ITGBL1: variants seen among roughly 807,000 people sequenced by gnomAD.
ITGBL1 encodes integrin subunit beta like 1, also known as integrin beta-like protein 1.
A neutral mutation model predicts 68.5 loss-of-function variants in ITGBL1; 51 were observed. The observed-to-expected ratio is 0.74, with a 90% CI of 0.59 to 0.94. The LOEUF is 0.94. Ranked by LOEUF, ITGBL1 falls within the 40% of genes least tolerant of loss-of-function variation. ITGBL1 has a pLI of 0.00. For missense variants in ITGBL1, 649 were observed against 647.4 expected (o/e 1.00, Z -0.03); for synonymous variants, 209 against 227.3 (o/e 0.92, Z 0.72).
In ITGBL1 at chr13:101,620,920, T is replaced by C. The variant is rs528438565; in HGVS notation, c.1015+22621T>C. 3.3e-5 allele frequency among the ~76,000 whole-genome samples: 5 copies of C among 152,292 alleles called. No individual in the cohort carries two copies. The East Asian group carries it at 9.6e-4, about 29-fold the overall frequency. ...GATACTGAACAACTGCACCTGGGGC[T>C]GTACCCAAAGTGGAGAACAGTGAGT... On this transcript the variant is annotated intron_variant, in intron 7 of 10. Transcript: ENST00000376180.
intron 7 of ITGBL1, among the ~76,000 whole-genome samples, chr13:101,642,262 G>A (rs2032407097): frequency 6.6e-6 from 1 of 152,062 alleles, no homozygotes; most frequent in Non-Finnish European, 1.5e-5. Context: ...ATTCTAACTG[G>A]TGTGAGATGG....
chr13:101,512,627 T>G (rs1377212467), intron 2 of ITGBL1, among the ~76,000 whole-genome samples: 1 of 152,108 alleles, frequency 6.6e-6, no homozygotes, highest in Admixed American at 6.6e-5. Context: ...CAAGGACCCT[T>G]CCCATGGGGT....
At chr13:101,544,324 A>G (rs1185645180) in intron 2 of ITGBL1, among the ~76,000 whole-genome samples, 1 of 152,152 alleles carries the variant, frequency 6.6e-6, no homozygotes, top group African/African-American at 2.4e-5. Context: ...TCCACTCCAG[A>G]CCCTGTTTGC....
At chr13:101,500,062 C>G (rs2048915924) in intron 2 of ITGBL1, among the ~76,000 whole-genome samples, 1 of 152,188 alleles carries the variant, frequency 6.6e-6, no homozygotes, top group Non-Finnish European at 1.5e-5. Context: ...CTTATTAAAA[C>G]TGGCCACTCG....
At chr13:101,614,044 T>A (rs968735955) in intron 7 of ITGBL1, among the ~76,000 whole-genome samples, 13 of 110,898 alleles carry the variant, frequency 1.2e-4, no homozygotes, top group Non-Finnish European at 2.0e-4. Flanking sequence ...AAGGAATGAG[T>A]CAGGGACAAG....
chr13:101,705,307 A>AAACC (rs2034235555), intron 8 of ITGBL1, among the ~76,000 whole-genome samples: 1 of 144,878 alleles, frequency 6.9e-6, no homozygotes, highest in African/African-American at 2.7e-5. Flanking sequence ...AAAAAAAAAA[A>AAACC]AACAACAACA....
chr13:101,699,156 T>C (rs2034073401), intron 8 of ITGBL1, among the ~76,000 whole-genome samples: 1 of 152,184 alleles, frequency 6.6e-6, no homozygotes, highest in Non-Finnish European at 1.5e-5. Flanking sequence ...TGTGATTGTC[T>C]CCAAATTACA....
chr13:101,719,893 C>CCAAA (rs1214657697), downstream of ITGBL1: 5 of 151,970 alleles, frequency 3.3e-5, no homozygotes, highest in Admixed American at 6.6e-5. Context: ...AAGTCTTATC[C>CCAAA]CAAACAAATA....
At chr13:101,667,582 C>T (rs2033253664) in intron 7 of ITGBL1, among the ~76,000 whole-genome samples, 1 of 152,070 alleles carries the variant, frequency 6.6e-6, no homozygotes, top group Admixed American at 6.6e-5. Flanking sequence ...TAATATTACC[C>T]ATCAGGACAA....
At chr13:101,616,705 G>C (rs1364062564) in intron 7 of ITGBL1, among the ~76,000 whole-genome samples, 1 of 152,116 alleles carries the variant, frequency 6.6e-6, no homozygotes, top group African/African-American at 2.4e-5. Context: ...TGGCCAGGCT[G>C]TTCTCAAACT....
intron 2 of ITGBL1, among the ~76,000 whole-genome samples, chr13:101,469,047 A>G (rs1304990599): frequency 6.6e-6 from 1 of 152,204 alleles, no homozygotes; most frequent in East Asian, 1.9e-4. Context: ...TGTATTACAT[A>G]TTTTGGCTAT....
At chr13:101,494,550 C>T (rs551588519) in intron 2 of ITGBL1, among the ~76,000 whole-genome samples, 1 of 152,152 alleles carries the variant, frequency 6.6e-6, no homozygotes, top group African/African-American at 2.4e-5. Flanking sequence ...ACAATAAGCT[C>T]TTTCCAGAGA....
At chr13:101,609,126 A>AAG (rs1396894203) in intron 7 of ITGBL1, among the ~76,000 whole-genome samples, 1 of 152,136 alleles carries the variant, frequency 6.6e-6, no homozygotes, top group African/African-American at 2.4e-5. Context: ...GTAGAAATAG[A>AAG]AGAGCCTGTT....
chr13:101,621,729 A>G (rs896690376), intron 7 of ITGBL1, among the ~76,000 whole-genome samples: 2 of 152,174 alleles, frequency 1.3e-5, no homozygotes, highest in African/African-American at 4.8e-5. Context: ...CAAAATTTTT[A>G]GTCTCAAAAA....
At chr13:101,579,694 C>T (rs1251772142) in intron 5 of ITGBL1, among the ~76,000 whole-genome samples, 3 of 152,080 alleles carry the variant, frequency 2.0e-5, no homozygotes, top group African/African-American at 7.2e-5. Context: ...CTTTGGCAGC[C>T]CTCCAGACAT....
At chr13:101,492,560 A>G (rs2048795233) in intron 2 of ITGBL1, among the ~76,000 whole-genome samples, 1 of 152,160 alleles carries the variant, frequency 6.6e-6, no homozygotes, top group African/African-American at 2.4e-5. Flanking sequence ...CTATGCCCTA[A>G]GAGGGTGGTC....
At chr13:101,569,037 C>CACACAT in intron 3 of ITGBL1, among the ~76,000 whole-genome samples, 1 of 131,506 alleles carries the variant, frequency 7.6e-6, no homozygotes, top group East Asian at 2.5e-4. Context: ...CACACACACA[C>CACACAT]ACACACACAC....
intron 2 of ITGBL1, among the ~76,000 whole-genome samples, chr13:101,483,243 A>T (rs1172358839): frequency 2.0e-5 from 3 of 152,160 alleles, no homozygotes; most frequent in Non-Finnish European, 2.9e-5. Flanking sequence ...TGACTCAGGG[A>T]GTATCTCTGT....
At position 101,649,560 on chromosome 13, in the gene ITGBL1, G is replaced by A. The variant is rs990509667; in HGVS notation, c.1016-43025G>A. Among the ~76,000 whole-genome samples the A allele has an allele frequency of 2.0e-5, 3 of 152,208 alleles. No homozygotes were observed. In the South Asian group the frequency reaches 6.2e-4, roughly 32 times the overall value. The stretch of plus-strand genomic sequence containing the variant: ...GGACCTGCGGATGATATTTCTCATG[G>A]AAATCTATACTTGTTTAGATATTTT... On this transcript the variant is annotated intron_variant, in intron 7 of 10. Transcript: ENST00000376180.
Sources: gnomAD v4.1 joint callset for allele counts (sites outside exome capture counted in the v4.1 genomes callset) on GRCh38, gnomAD v4.1.1 for gene constraint, MANE v1.5 for transcripts, NCBI Gene and HGNC (gene_info 2026-07-23, HGNC 2026-07-21) for gene names.